Variants in MARCHF8 observed in about 807,000 individuals in gnomAD.
The protein encoded by MARCHF8 is E3 ubiquitin-protein ligase MARCHF8.
Under a neutral mutation model 51.6 loss-of-function variants are expected in MARCHF8, and 40 were observed. The observed-to-expected ratio is 0.77, with a 90% CI of 0.60 to 1.01. MARCHF8 has a LOEUF of 1.01. Ranked by LOEUF, MARCHF8 falls within the 50% of genes least tolerant of loss-of-function variation. MARCHF8 has a pLI of 0.00. For missense variants in MARCHF8, 685 were observed against 708.6 expected (o/e 0.97, Z 0.38); for synonymous variants, 263 against 280.3 (o/e 0.94, Z 0.62).
intron 2 of MARCHF8, among the ~76,000 whole-genome samples, chr10:45,516,968 TG>T (rs2043629928): frequency 6.6e-6 from 1 of 152,218 alleles, no homozygotes; most frequent in African/African-American, 2.4e-5. Flanking sequence ...AATATATGTA[TG>T]TACCTCCTTA....
intron 2 of MARCHF8, among the ~76,000 whole-genome samples, chr10:45,496,424 AAACAG>A (rs1484655630): frequency 2.3e-4 from 35 of 152,176 alleles, no homozygotes; most frequent in African/African-American, 7.5e-4. Context: ...ATATCAGACG[AAACAG>A]AATTCAGAAA....
At chr10:45,555,529 A>C (rs1268290930) in intron 1 of MARCHF8, among the ~76,000 whole-genome samples, 1 of 151,898 alleles carries the variant, frequency 6.6e-6, no homozygotes, top group Non-Finnish European at 1.5e-5. Flanking sequence ...TTGAGGGCCA[A>C]GAGTTCAAGA....
Position 45,457,651 on chromosome 10 carries a change from T to C in MARCHF8, c.*588A>G, listed in dbSNP as rs1440138532. On this transcript the variant is annotated 3_prime_UTR_variant, in exon 8 of 8. Transcript: ENST00000453424. ...ACATATTACAAAATAAAGATTTTCT[T>C]CTGTAAAGTGCTGTTTGCTCAGTGA... is the stretch of plus-strand genomic sequence containing the variant. 3 of 152,706 alleles carry C rather than the reference T, an allele frequency of 2.0e-5. No individual in the cohort carries two copies. The highest frequency in any genetic ancestry group is 4.1e-4 in the South Asian group (2 of 4,828). The allele number at this position is 152,706 out of a possible 1,614,324, so 9.5% of individuals were successfully genotyped here.
chr10:45,465,090 GGAGAGAAATGGACA>G (rs1842926494), intron 3 of MARCHF8, among the ~76,000 whole-genome samples: 1 of 152,192 alleles, frequency 6.6e-6, no homozygotes, highest in Non-Finnish European at 1.5e-5. Context: ...ACTGCAGTGA[GGAGAGAAATGGACA>G]GAGAGAAATA....
At chr10:45,481,258 C>T (rs1589101488) in intron 3 of MARCHF8, among the ~76,000 whole-genome samples, 1 of 152,200 alleles carries the variant, frequency 6.6e-6, no homozygotes, top group Non-Finnish European at 1.5e-5. Context: ...TACAGGCTCA[C>T]AGGTGGAAGG....
chr10:45,511,880 C>T (rs1328000049), intron 2 of MARCHF8, among the ~76,000 whole-genome samples: 1 of 145,662 alleles, frequency 6.9e-6, no homozygotes, highest in Admixed American at 6.9e-5. Flanking sequence ...TCGTCTGGGA[C>T]GTGAGGAGCC....
intron 1 of MARCHF8, among the ~76,000 whole-genome samples, chr10:45,533,590 A>C (rs1238514579): frequency 6.6e-6 from 1 of 152,100 alleles, no homozygotes; most frequent in Non-Finnish European, 1.5e-5. Context: ...TTATTTTAAG[A>C]ATATTTTTGA....
chr10:45,553,787 G>A (rs2044221890), intron 1 of MARCHF8, among the ~76,000 whole-genome samples: 2 of 152,042 alleles, frequency 1.3e-5, no homozygotes, highest in African/African-American at 2.4e-5. Context: ...CACCTAAGAC[G>A]GGATTAGGAG....
At chr10:45,536,906 G>A (rs576377681), upstream of MARCHF8, among the ~76,000 whole-genome samples, 3 of 149,422 alleles carry the variant, frequency 2.0e-5, no homozygotes, top group Admixed American at 6.7e-5. Context: ...AATGAAAAAT[G>A]GGTTAATCAA....
At position 45,535,295 on chromosome 10, in the gene MARCHF8, T is replaced by C. The variant is rs569827821; in HGVS notation, c.-163A>G. On this transcript the variant is annotated 5_prime_UTR_variant, in exon 1 of 8. Coordinates refer to ENST00000453424, the MANE Select transcript of MARCHF8 (RefSeq NM_001282866.2). ...ATCACTAATGCACTAACGTCCTCTA[T>C]TACAGATGACAAACTCCATGGGGCC... The C allele has an allele frequency of 5.9e-5, 9 of 152,236 alleles. No individual in the cohort carries two copies. The highest frequency in any genetic ancestry group is 1.2e-4 in the Non-Finnish European group (8 of 68,058). The allele number at this position is 152,236 out of a possible 1,614,324, so 9.4% of individuals were successfully genotyped here. A position where few individuals can be genotyped will look rare whatever the true frequency, so the allele number is the denominator to read the frequency against.
At chr10:45,586,410 T>A (rs897692818) in intron 1 of MARCHF8, among the ~76,000 whole-genome samples, 1 of 152,270 alleles carries the variant, frequency 6.6e-6, no homozygotes, top group South Asian at 2.1e-4. Context: ...TAATATCCCA[T>A]TGCAGACTTG....
Position 45,458,142 on chromosome 10 carries a change from T to C in MARCHF8, c.*97A>G. The C allele has an allele frequency of 8.1e-7, 1 of 1,237,262 alleles. No individual in the cohort carries two copies. The highest frequency in any genetic ancestry group is 1.5e-5 in the South Asian group (1 of 66,714). 76.6% of individuals were successfully genotyped at this position (1,237,262 alleles called of 1,614,324 possible). A position where few individuals can be genotyped will look rare whatever the true frequency, so the allele number is the denominator to read the frequency against. On this transcript the variant is annotated 3_prime_UTR_variant, in exon 8 of 8. Transcript: ENST00000453424. ...ACTATAAATAGTCACCTGTCCAGTC[T>C]ATGCTATTAAAGGACATAAGAAAGG...
chr10:45,558,807 C>A (rs2044279813), intron 1 of MARCHF8, among the ~76,000 whole-genome samples: 1 of 152,222 alleles, frequency 6.6e-6, no homozygotes, highest in African/African-American at 2.4e-5. Context: ...AAGGATCTTT[C>A]ACCTCTTCAA....
intron 2 of MARCHF8, among the ~76,000 whole-genome samples, chr10:45,517,792 T>C (rs2043644213): frequency 6.6e-6 from 1 of 152,242 alleles, no homozygotes; most frequent in African/African-American, 2.4e-5. Flanking sequence ...TTTTCTTGTA[T>C]ACCTTCATGA....
intron 3 of MARCHF8, among the ~76,000 whole-genome samples, chr10:45,477,618 G>A (rs760621532): frequency 1.3e-5 from 2 of 152,100 alleles, no homozygotes; most frequent in Non-Finnish European, 2.9e-5. Flanking sequence ...GAAAGACAGA[G>A]ACTGGCTGAA....
chr10:45,519,738 G>A (rs188401618), intron 2 of MARCHF8, among the ~76,000 whole-genome samples: 61 of 152,320 alleles, frequency 4.0e-4, no homozygotes, highest in African/African-American at 1.4e-3. Context: ...GGCTGGATTT[G>A]GACCATGGGC....
chr10:45,476,936 C>T (rs1169602679), intron 3 of MARCHF8, among the ~76,000 whole-genome samples: 2 of 152,112 alleles, frequency 1.3e-5, no homozygotes, highest in Admixed American at 6.5e-5. Flanking sequence ...GATGGAATAT[C>T]TAACAAAATA....
At chr10:45,578,363 A>G (rs188632496) in intron 1 of MARCHF8, among the ~76,000 whole-genome samples, 1 of 152,222 alleles carries the variant, frequency 6.6e-6, no homozygotes, top group African/African-American at 2.4e-5. Context: ...CAAATTTGGG[A>G]TGATTTTAGT....
chr10:45,558,182 T>C (rs1474243540), intron 1 of MARCHF8, among the ~76,000 whole-genome samples: 1 of 152,164 alleles, frequency 6.6e-6, no homozygotes, highest in African/African-American at 2.4e-5. Context: ...CCAGGAAAGA[T>C]AGAGATTTTG....
Sources: gnomAD v4.1 joint callset for allele counts (sites outside exome capture counted in the v4.1 genomes callset) on GRCh38, gnomAD v4.1.1 for gene constraint, MANE v1.5 for transcripts, NCBI Gene and HGNC (gene_info 2026-07-23, HGNC 2026-07-21) for gene names.